The following PSD3 variants were observed in gnomAD, a reference collection of about 807,000 sequenced individuals.
The protein encoded by PSD3 is PH and SEC7 domain-containing protein 3.
In PSD3, 49 loss-of-function variants were observed where a neutral mutation model predicts 105.5. That is an observed-to-expected ratio of 0.46 (90% CI 0.37 to 0.59). The LOEUF (loss-of-function observed/expected upper bound fraction) is 0.59, where lower values mean the gene tolerates loss of function less well. Among genes scored for constraint, PSD3 ranks in the 20% least tolerant of loss-of-function variants. The pLI is 0.00. For synonymous variants in PSD3, 557 were observed against 457.8 expected, an observed-to-expected ratio of 1.22 and a Z score of -2.77; for missense variants, 1,561 against 1,263.8, an observed-to-expected ratio of 1.24 and a Z score of -3.57.
intron 2 of PSD3, among the ~76,000 whole-genome samples, chr8:18,909,862 T>C (rs772844917): frequency 3.9e-4 from 59 of 152,254 alleles, no homozygotes; most frequent in Non-Finnish European, 7.5e-4. Context: ...TTTGTTTTTA[T>C]ATGTTTTTAC....
chr8:18,554,629 G>A (rs1766647642), intron 15 of PSD3, among the ~76,000 whole-genome samples: 2 of 152,088 alleles, frequency 1.3e-5, no homozygotes, highest in African/African-American at 4.8e-5. Context: ...AGGCTTCTAT[G>A]AAATTGTATC....
rs184537264 is a variant in PSD3, at chr8:19,068,078, A to G, written c.324+16128T>C. On this transcript the variant is annotated intron_variant, in intron 1 of 1. Transcript: ENST00000521475. ...CACAGCTCAGGTCTGTGTGCTGGGA[A>G]TACAGGACTGGCTGCACAATCCCTT... is the stretch of plus-strand genomic sequence containing the variant. Among the ~76,000 whole-genome samples, 379 of 152,238 alleles carry G rather than the reference A, an allele frequency of 2.5e-3. 4 individuals are homozygous for G. The highest frequency in any genetic ancestry group is 8.3e-3 in the African/African-American group (345 of 41,558).
chr8:18,611,654 C>T (rs1805274609), intron 11 of PSD3, among the ~76,000 whole-genome samples: 1 of 151,914 alleles, frequency 6.6e-6, no homozygotes, highest in African/African-American at 2.4e-5. Flanking sequence ...TGCTAAAACA[C>T]AAAGAAAGAC....
rs560563744 is a variant in PSD3 at position 19,047,991 on chromosome 8, C to T, written c.324+36215G>A. Among the ~76,000 whole-genome samples, 3 of 152,172 alleles carry T rather than the reference C, an allele frequency of 2.0e-5. No homozygotes were observed. The South Asian group carries it at 6.2e-4, about 32-fold the overall frequency. On this transcript the variant is annotated intron_variant, in intron 1 of 1. Transcript: ENST00000521475. ...GAAAATTCACCTTCTACCTTTGCCT[C>T]TTCAGCAACTCCAATGACCAACTTG... is the stretch of plus-strand genomic sequence containing the variant.
intron 9 of PSD3, among the ~76,000 whole-genome samples, chr8:18,700,876 C>T (rs181693338): frequency 6.6e-6 from 1 of 152,174 alleles, no homozygotes; most frequent in Non-Finnish European, 1.5e-5. Flanking sequence ...CACTTTACAT[C>T]TCCAGACCTC....
At chr8:18,870,261 C>A (rs949890598) in intron 3 of PSD3, among the ~76,000 whole-genome samples, 1 of 152,124 alleles carries the variant, frequency 6.6e-6, no homozygotes, top group Middle Eastern at 3.2e-3. Context: ...AATGTGGTGT[C>A]ATGAGGGCTG....
chr8:18,653,252 T>C (rs1024642841), intron 10 of PSD3, among the ~76,000 whole-genome samples: 2 of 152,096 alleles, frequency 1.3e-5, no homozygotes, highest in East Asian at 1.9e-4. Context: ...CTTCATTTTA[T>C]AGGTGAAGAT....
At chr8:18,927,785 A>G (rs1821468676) in intron 2 of PSD3, among the ~76,000 whole-genome samples, 1 of 152,218 alleles carries the variant, frequency 6.6e-6, no homozygotes, top group African/African-American at 2.4e-5. Flanking sequence ...ATATGAGCAC[A>G]CAAGAAGACA....
intron 1 of PSD3, among the ~76,000 whole-genome samples, chr8:18,955,999 C>G (rs1176034584): frequency 6.6e-6 from 1 of 152,052 alleles, no homozygotes; most frequent in Non-Finnish European, 1.5e-5. Flanking sequence ...AACCCCTGAC[C>G]TCAGGTGATC....
intron 4 of PSD3, chr8:18,808,871 G>C: frequency 1.9e-6 from 3 of 1,595,278 alleles, no homozygotes; most frequent in Non-Finnish European, 2.6e-6. Context: ...AGTGACTGCC[G>C]AGCCTCACAG....
chr8:18,604,618 G>C (rs1049506779), intron 11 of PSD3, among the ~76,000 whole-genome samples: 5 of 152,156 alleles, frequency 3.3e-5, no homozygotes, highest in Non-Finnish European at 7.4e-5. Context: ...AAGAAGCCAA[G>C]TGCTATTAGC....
intron 10 of PSD3, among the ~76,000 whole-genome samples, chr8:18,641,175 A>G (rs1318589597): frequency 1.3e-5 from 2 of 152,180 alleles, no homozygotes; most frequent in South Asian, 4.2e-4. Context: ...TCCACCTTGT[A>G]CTGGCAATCA....
At chr8:18,540,006 G>C (rs996498256) in intron 15 of PSD3, among the ~76,000 whole-genome samples, 4 of 152,196 alleles carry the variant, frequency 2.6e-5, no homozygotes, top group African/African-American at 9.6e-5. Context: ...TAATGGAACT[G>C]TGCGCTTTAT....
intron 1 of PSD3, among the ~76,000 whole-genome samples, chr8:19,080,362 A>C (rs1488118030): frequency 6.6e-6 from 1 of 152,174 alleles, no homozygotes; most frequent in Non-Finnish European, 1.5e-5. Context: ...TTGTCAGCAA[A>C]ACCAGAGCTT....
chr8:18,959,573 C>T (rs985934371), intron 1 of PSD3, among the ~76,000 whole-genome samples: 3 of 127,220 alleles, frequency 2.4e-5, no homozygotes, highest in Non-Finnish European at 5.2e-5. Context: ...TTCATGTCCT[C>T]GGTATTTAAT....
intron 11 of PSD3, among the ~76,000 whole-genome samples, chr8:18,603,768 C>A (rs1013936358): frequency 1.3e-5 from 2 of 152,110 alleles, no homozygotes; most frequent in Non-Finnish European, 1.5e-5. Context: ...CTCGTGAGAT[C>A]TGGTTGTTTA....
intron 11 of PSD3, among the ~76,000 whole-genome samples, chr8:18,610,821 C>G (rs1805208986): frequency 7.2e-6 from 1 of 138,504 alleles, no homozygotes; most frequent in Non-Finnish European, 1.6e-5. Context: ...CTAAAATGTT[C>G]TGAAATGCCA....
intron 1 of PSD3, among the ~76,000 whole-genome samples, chr8:19,046,534 C>T (rs889660584): frequency 6.6e-6 from 1 of 152,156 alleles, no homozygotes; most frequent in African/African-American, 2.4e-5. Flanking sequence ...TGGCTGAGGT[C>T]AGGCTCAACA....
chr8:18,541,780 C>T (rs911408964), intron 15 of PSD3, among the ~76,000 whole-genome samples: 14 of 145,858 alleles, frequency 9.6e-5, no homozygotes, highest in Admixed American at 5.5e-4. Flanking sequence ...GATGGAGTTT[C>T]GCTGTTGTCA....
Sources: allele counts gnomAD v4.1 joint callset (sites outside exome capture counted in the v4.1 genomes callset), GRCh38; gene constraint gnomAD v4.1.1; transcripts MANE v1.5; gene names NCBI Gene and HGNC (gene_info 2026-07-23, HGNC 2026-07-21).